The following TTLL5 variants were observed in gnomAD, a reference collection of about 807,000 sequenced individuals.
TTLL5 encodes the protein tubulin tyrosine ligase like 5, also known as tubulin polyglutamylase TTLL5.
A neutral mutation model predicts 168.4 loss-of-function variants in TTLL5; 132 were observed. That is an observed-to-expected ratio of 0.78 (90% CI 0.68 to 0.91). TTLL5 has a LOEUF of 0.91. TTLL5 is among the 40% of genes least tolerant of loss of function. The pLI is 0.00. For missense variants in TTLL5, 1,545 were observed against 1,581.5 expected (o/e 0.98, Z 0.39); for synonymous variants, 546 against 558.6 (o/e 0.98, Z 0.32).
intron 2 of TTLL5, among the ~76,000 whole-genome samples, chr14:75,666,229 C>T (rs1335846590): frequency 6.6e-6 from 1 of 152,230 alleles, no homozygotes; most frequent in African/African-American, 2.4e-5. Flanking sequence ...TTGACTTGAT[C>T]CAAAGATGTA....
chr14:75,824,727 GTT>G (rs200747931), intron 28 of TTLL5, among the ~76,000 whole-genome samples: 48 of 139,320 alleles, frequency 3.4e-4, no homozygotes, highest in African/African-American at 4.2e-4. Context: ...AAAATTATGT[GTT>G]TTTTTTTTTT....
chr14:75,922,428 GT>G (rs1008964214), intron 31 of TTLL5, among the ~76,000 whole-genome samples: 3 of 152,136 alleles, frequency 2.0e-5, no homozygotes, highest in African/African-American at 7.2e-5. Flanking sequence ...CTTATTGAGT[GT>G]TTTTAGCATG....
intron 3 of TTLL5, among the ~76,000 whole-genome samples, chr14:75,674,552 G>T (rs1883994780): frequency 6.6e-6 from 1 of 152,026 alleles, no homozygotes; most frequent in African/African-American, 2.4e-5. Flanking sequence ...TGTTTTATTT[G>T]TGAAATATTC....
At chr14:75,893,791 G>A (rs1194696208) in intron 30 of TTLL5, among the ~76,000 whole-genome samples, 2 of 142,426 alleles carry the variant, frequency 1.4e-5, no homozygotes, top group Non-Finnish European at 3.0e-5. Context: ...GCACTCCAGC[G>A]TGGGCAACAG....
chr14:75,797,310 A>G (rs1213540057), intron 27 of TTLL5, among the ~76,000 whole-genome samples: 2 of 152,088 alleles, frequency 1.3e-5, no homozygotes, highest in Admixed American at 1.3e-4. Context: ...TATTAGATCT[A>G]GGAGCTTTTT....
At chr14:75,887,480 T>C (rs2032179064) in intron 30 of TTLL5, among the ~76,000 whole-genome samples, 1 of 152,212 alleles carries the variant, frequency 6.6e-6, no homozygotes, top group Non-Finnish European at 1.5e-5. Context: ...GTTGAATCTA[T>C]AACATATTCA....
intron 31 of TTLL5, among the ~76,000 whole-genome samples, chr14:75,919,965 A>G (rs1226585494): frequency 1.3e-5 from 2 of 152,126 alleles, no homozygotes; most frequent in Non-Finnish European, 2.9e-5. Flanking sequence ...TACTAAAAAT[A>G]CAAAAATTAG....
At chr14:75,745,380 C>A in intron 16 of TTLL5, 110 bp from the exon 17 acceptor site, 1 of 1,246,522 alleles carries the variant, frequency 8.0e-7, no homozygotes, top group East Asian at 2.4e-5. Context: ...TTAATTTCTC[C>A]CTTCATGCTA....
At chr14:75,724,016 G>GTT (rs200530235) in intron 12 of TTLL5, among the ~76,000 whole-genome samples, 44 of 143,420 alleles carry the variant, frequency 3.1e-4, no homozygotes, top group East Asian at 1.2e-3. Context: ...TAAGCTAGTT[G>GTT]TTTTTTTTTT....
intron 31 of TTLL5, chr14:75,904,240 A>AC (rs1419987725): frequency 8.4e-7 from 1 of 1,184,926 alleles, no homozygotes; most frequent in Non-Finnish European, 1.1e-6. Context: ...GAATTACTAG[A>AC]ACATGGTAGT....
chr14:75,856,168 G>A (rs536928210), intron 28 of TTLL5, among the ~76,000 whole-genome samples: 65 of 152,320 alleles, frequency 4.3e-4, no homozygotes, highest in Non-Finnish European at 7.3e-4. Context: ...TTCAAGACCA[G>A]CCTGGCCAAC....
Position 75,869,013 on chromosome 14 carries a change from A to AGTGTGTGTGTGTGT in TTLL5, c.3522+5188_3522+5201dup, listed in dbSNP as rs3138589. Among the ~76,000 whole-genome samples, 905 of 124,462 alleles carry AGTGTGTGTGTGTGT rather than the reference A, an allele frequency of 7.3e-3. 19 individuals are homozygous for AGTGTGTGTGTGTGT. The highest frequency in any genetic ancestry group is 0.022 in the African/African-American group (712 of 32,690). 81.7% of individuals were successfully genotyped at this position (124,462 alleles called of 152,430 possible). ...TGGACTGGGGACATGAGAGGGGAGG[A>AGTGTGTGTGTGTGT]GTGTGTGTGTGTGTGTGTGTGTGTG... On this transcript the variant is annotated intron_variant, in intron 29 of 31. Coordinates refer to ENST00000298832, the MANE Select transcript of TTLL5 (RefSeq NM_015072.5).
intron 29 of TTLL5, among the ~76,000 whole-genome samples, chr14:75,878,210 G>T (rs745652191): frequency 3.9e-5 from 6 of 152,160 alleles, no homozygotes; most frequent in Non-Finnish European, 7.4e-5. Context: ...TATCAGTTAA[G>T]ATTCCGTTTG....
In TTLL5 at chr14:75,729,460, G is replaced by T. The variant is rs139383410; in HGVS notation, c.1043-2878G>T. The stretch of plus-strand genomic sequence containing the variant: ...CAAATACCAATAGTAAGTTTAAAAG[G>T]TTCTTTAAGGACTCTAGTTGCCTGC... On this transcript the variant is annotated intron_variant, in intron 12 of 31. Coordinates refer to ENST00000298832, the MANE Select transcript of TTLL5 (RefSeq NM_015072.5). Among the ~76,000 whole-genome samples, 11 of 152,184 alleles carry T rather than the reference G, an allele frequency of 7.2e-5. No individual in the cohort carries two copies. In the East Asian group the frequency reaches 1.7e-3, roughly 24 times the overall value.
At chr14:75,885,119 A>G (rs1397223369) in intron 30 of TTLL5, among the ~76,000 whole-genome samples, 3 of 147,314 alleles carry the variant, frequency 2.0e-5, no homozygotes, top group African/African-American at 2.5e-5. Context: ...AGCTTGCAGT[A>G]AGCTGAGATC....
chr14:75,736,400 A>G (rs920156193), intron 15 of TTLL5, among the ~76,000 whole-genome samples: 1 of 152,084 alleles, frequency 6.6e-6, no homozygotes, highest in African/African-American at 2.4e-5. Flanking sequence ...ATAATTTTTT[A>G]TTAGAACAGG....
chr14:75,945,404 G>A (rs1345092201), intron 31 of TTLL5, among the ~76,000 whole-genome samples: 2 of 151,368 alleles, frequency 1.3e-5, no homozygotes, highest in African/African-American at 4.9e-5. Context: ...CTACAGGTGC[G>A]TGCCACCATG....
chr14:75,941,635 C>G (rs2140194944), intron 31 of TTLL5: 1 of 151,816 alleles, frequency 6.6e-6, no homozygotes, highest in African/African-American at 2.4e-5. Flanking sequence ...TTTATTTGTC[C>G]CATTTTCCAG....
chr14:75,734,124 G>T (rs759618773), intron 14 of TTLL5, 74 bp downstream of exon 14: 24 of 1,485,826 alleles, frequency 1.6e-5, no homozygotes, highest in Non-Finnish European at 1.7e-5. Context: ...GACTCCATAG[G>T]TTTTGCCAAC....
Sources: allele counts gnomAD v4.1 joint callset (sites outside exome capture counted in the v4.1 genomes callset), GRCh38; gene constraint gnomAD v4.1.1; transcripts MANE v1.5; gene names NCBI Gene and HGNC (gene_info 2026-07-23, HGNC 2026-07-21).